RALA: variants seen among roughly 807,000 people sequenced by gnomAD.
The protein encoded by RALA is ras-related protein Ral-A.
Under a neutral mutation model 24.0 loss-of-function variants are expected in RALA, and 5 were observed. The observed-to-expected ratio is 0.21, with a 90% CI of 0.11 to 0.44. RALA has a LOEUF of 0.44. RALA is among the 20% of genes least tolerant of loss of function. The pLI, the probability that RALA is intolerant of heterozygous loss-of-function variation, is 0.99. For missense variants in RALA, 95 were observed against 241.2 expected, an observed-to-expected ratio of 0.39 and a Z score of 4.01; for synonymous variants, 77 against 83.8, an observed-to-expected ratio of 0.92 and a Z score of 0.44.
At chr7:39,683,099 C>T (rs1361008574) in intron 1 of RALA, among the ~76,000 whole-genome samples, 2 of 152,176 alleles carry the variant, frequency 1.3e-5, no homozygotes, top group East Asian at 1.9e-4. Context: ...TGATGCCTTC[C>T]ACCAGAAGCC....
At chr7:39,661,793 C>A (rs1284941502) in intron 1 of RALA, among the ~76,000 whole-genome samples, 1 of 152,234 alleles carries the variant, frequency 6.6e-6, no homozygotes, top group Non-Finnish European at 1.5e-5. Flanking sequence ...GCCCTCTTCT[C>A]ACAGCTCCAC....
chr7:39,671,690 G>A (rs1348638779), intron 1 of RALA, among the ~76,000 whole-genome samples: 1 of 152,072 alleles, frequency 6.6e-6, no homozygotes, highest in Non-Finnish European at 1.5e-5. Context: ...ATTTTATTTT[G>A]CAGACAAGGC....
At chr7:39,627,711 C>T (rs1302102519) in intron 1 of RALA, among the ~76,000 whole-genome samples, 1 of 152,198 alleles carries the variant, frequency 6.6e-6, no homozygotes, top group African/African-American at 2.4e-5. Flanking sequence ...GGTTGCCACA[C>T]TGCGTGACCA....
chr7:39,640,548 A>G (rs538432558), intron 1 of RALA, among the ~76,000 whole-genome samples: 3 of 152,196 alleles, frequency 2.0e-5, no homozygotes, highest in Non-Finnish European at 2.9e-5. Flanking sequence ...CTTACATCAG[A>G]TATATATGAA....
At chr7:39,678,136 A>G (rs1792521738) in intron 1 of RALA, among the ~76,000 whole-genome samples, 1 of 151,384 alleles carries the variant, frequency 6.6e-6, no homozygotes, top group Non-Finnish European at 1.5e-5. Flanking sequence ...TGGCACATGT[A>G]TACATATGTA....
intron 1 of RALA, among the ~76,000 whole-genome samples, chr7:39,659,022 G>A (rs1792141154): frequency 6.6e-6 from 1 of 152,164 alleles, no homozygotes; most frequent in Admixed American, 6.5e-5. Context: ...TCTCATACCT[G>A]TAATTCCTGC....
chr7:39,641,339 T>A (rs1487610435), intron 1 of RALA, among the ~76,000 whole-genome samples: 1 of 152,208 alleles, frequency 6.6e-6, no homozygotes, highest in African/African-American at 2.4e-5. Context: ...CATTTTCATA[T>A]TGAAACAAAC....
intron 1 of RALA, among the ~76,000 whole-genome samples, chr7:39,662,199 G>A (rs1175252482): frequency 2.6e-5 from 4 of 151,832 alleles, no homozygotes; most frequent in African/African-American, 9.7e-5. Context: ...CCTGTGATGG[G>A]AGAGGCTGCC....
intron 1 of RALA, among the ~76,000 whole-genome samples, chr7:39,646,259 C>G (rs1394366702): frequency 6.6e-6 from 1 of 152,084 alleles, no homozygotes; most frequent in Non-Finnish European, 1.5e-5. Flanking sequence ...TGCCACTGCA[C>G]TCCAGTCTGG....
intron 1 of RALA, among the ~76,000 whole-genome samples, chr7:39,628,590 CT>C (rs1314100970): frequency 2.0e-5 from 3 of 152,238 alleles, no homozygotes; most frequent in Non-Finnish European, 4.4e-5. Flanking sequence ...GAGTCTCGCT[CT>C]TTCACCCGTG....
chr7:39,674,603 A>G (rs1427439161), intron 1 of RALA, among the ~76,000 whole-genome samples: 3 of 152,152 alleles, frequency 2.0e-5, no homozygotes, highest in Non-Finnish European at 2.9e-5. Flanking sequence ...AGAATTTGGA[A>G]GCTTTCCCTG....
chr7:39,663,932 G>C (rs747063977), intron 1 of RALA, among the ~76,000 whole-genome samples: 4 of 152,214 alleles, frequency 2.6e-5, no homozygotes, highest in Non-Finnish European at 5.9e-5. Context: ...GGGATGGTTT[G>C]ATAATTTTAG....
chr7:39,635,052 T>G (rs529151443), intron 1 of RALA, among the ~76,000 whole-genome samples: 6 of 152,310 alleles, frequency 3.9e-5, no homozygotes, highest in African/African-American at 1.4e-4. Context: ...AATTTGCCCT[T>G]TTAAATGTGC....
chr7:39,631,767 A>G (rs538989614), intron 1 of RALA, among the ~76,000 whole-genome samples: 49 of 152,202 alleles, frequency 3.2e-4, no homozygotes, highest in Non-Finnish European at 3.7e-4. Flanking sequence ...ATTTCTGCAT[A>G]TTTTCCTGCC....
At chr7:39,667,538 G>A (rs142959478) in intron 1 of RALA, among the ~76,000 whole-genome samples, 49 of 152,310 alleles carry the variant, frequency 3.2e-4, no homozygotes, top group African/African-American at 8.4e-4. Context: ...GGCCTGTAGG[G>A]GGAATCTCTT....
chr7:39,705,911 A>G (rs943134598), intron 4 of RALA, among the ~76,000 whole-genome samples: 3 of 152,084 alleles, frequency 2.0e-5, no homozygotes, highest in Non-Finnish European at 4.4e-5. Flanking sequence ...TTTTTACCAT[A>G]AAGTGTAATT....
chr7:39,637,316 C>G (rs866715057), intron 1 of RALA, among the ~76,000 whole-genome samples: 1 of 152,134 alleles, frequency 6.6e-6, no homozygotes, highest in Non-Finnish European at 1.5e-5. Flanking sequence ...CTTTTGTATA[C>G]ATTATCCTTG....
intron 1 of RALA, among the ~76,000 whole-genome samples, chr7:39,668,876 GA>G (rs1445431011): frequency 1.1e-4 from 17 of 151,288 alleles, no homozygotes; most frequent in Non-Finnish European, 1.9e-4. Context: ...AGCACTTTAG[GA>G]GGCCAAGGCG....
chr7:39,677,346 T>C (rs1003438589), intron 1 of RALA, among the ~76,000 whole-genome samples: 2 of 149,820 alleles, frequency 1.3e-5, no homozygotes, highest in East Asian at 4.0e-4. Context: ...AGAATGATGG[T>C]TTCCAATTTC....
Sources: allele counts gnomAD v4.1 joint callset (sites outside exome capture counted in the v4.1 genomes callset), GRCh38; gene constraint gnomAD v4.1.1; transcripts MANE v1.5; gene names NCBI Gene and HGNC (gene_info 2026-07-23, HGNC 2026-07-21).